Variants in MIGA1 observed in about 807,000 individuals in gnomAD.
The protein encoded by MIGA1 is family with sequence similarity 73, member A.
Under a neutral mutation model 82.0 loss-of-function variants are expected in MIGA1, and 58 were observed. The observed-to-expected ratio is 0.71, with a 90% CI of 0.57 to 0.88. The LOEUF is 0.88. Among genes scored for constraint, MIGA1 ranks in the 40% least tolerant of loss-of-function variants. The pLI is 0.00. For missense variants in MIGA1, 751 were observed against 749.1 expected (o/e 1.00, Z -0.03); for synonymous variants, 249 against 253.6 (o/e 0.98, Z 0.17).
intron 14 of MIGA1, among the ~76,000 whole-genome samples, chr1:77,871,416 T>C (rs1025577529): frequency 4.6e-5 from 7 of 151,456 alleles, no homozygotes; most frequent in Admixed American, 4.6e-4. Flanking sequence ...GCAGGAGAAT[T>C]GCTTGAACCC....
intron 12 of MIGA1, 168 bp downstream of exon 12, chr1:77,861,490 C>T: frequency 3.8e-6 from 2 of 521,940 alleles, no homozygotes; most frequent in South Asian, 2.8e-5. Flanking sequence ...TACGTTGGGG[C>T]AGTAGTTGTA....
chr1:77,801,266 T>G, intron 2 of MIGA1, 65 bp from the exon 3 acceptor site: 1 of 1,175,678 alleles, frequency 8.5e-7, no homozygotes, highest in Non-Finnish European at 1.2e-6. Context: ...GTTTAGTTAT[T>G]AGGTCCTTCT....
At chr1:77,782,735 C>T (rs1570910157) in intron 1 of MIGA1, 2 of 249,726 alleles carry the variant, frequency 8.0e-6, no homozygotes, top group African/African-American at 4.6e-5. Context: ...TAAAATGAGA[C>T]AATAGGAGAA....
At chr1:77,854,213 G>A (rs1685162106) in intron 8 of MIGA1, among the ~76,000 whole-genome samples, 2 of 152,282 alleles carry the variant, frequency 1.3e-5, no homozygotes, top group South Asian at 4.1e-4. Flanking sequence ...TGCAGATGCT[G>A]TTAATTCATC....
intron 2 of MIGA1, among the ~76,000 whole-genome samples, chr1:77,787,194 C>T (rs142110471): frequency 2.0e-4 from 30 of 152,194 alleles, no homozygotes; most frequent in African/African-American, 7.0e-4. Flanking sequence ...CAATTACCTG[C>T]CACTGGGTCC....
chr1:77,864,821 T>A (rs1454616750), intron 13 of MIGA1, among the ~76,000 whole-genome samples: 6 of 152,218 alleles, frequency 3.9e-5, no homozygotes, highest in African/African-American at 1.4e-4. Context: ...CTTTTCAGCT[T>A]CTGTTCTTTT....
In MIGA1 at chr1:77,788,611, T is replaced by A. The variant is rs191910076; in HGVS notation, c.195+5260T>A. Among the ~76,000 whole-genome samples the A allele has an allele frequency of 5.9e-5, 9 of 152,344 alleles. No homozygotes were observed. The East Asian group carries it at 1.5e-3, about 26-fold the overall frequency. ...CTTCTTAGGGTTTTAGGACTTATAT[T>A]TAGGTCTTTGATCCATTTTGAGTTA... is the stretch of plus-strand genomic sequence containing the variant. On this transcript the variant is annotated intron_variant, in intron 2 of 15. Transcript: ENST00000370791.
At chr1:77,839,414 A>C (rs1684546008) in intron 7 of MIGA1, among the ~76,000 whole-genome samples, 1 of 151,726 alleles carries the variant, frequency 6.6e-6, no homozygotes, top group African/African-American at 2.4e-5. Context: ...TCTGTCACCC[A>C]GGATGGAGTG....
rs115145255 is a variant in MIGA1 at position 77,827,595 on chromosome 1, A to T, written c.895+12364A>T. 4.1e-3 allele frequency among the ~76,000 whole-genome samples: 617 copies of T among 152,290 alleles called. 3 individuals are homozygous for T. Among genetic ancestry groups the T allele is most frequent in the African/African-American group, 0.014 (583 of 41,570 alleles). On this transcript the variant is annotated intron_variant, in intron 7 of 15. Transcript: ENST00000370791. ...TGCCTGCCTTACAATTTCTGCCAACACTTTGTCCAGCTCAGAAGGAGTGAG... is the reference window on the plus strand; with the variant it reads ...TGCCTGCCTTACAATTTCTGCCAACTCTTTGTCCAGCTCAGAAGGAGTGAG...
rs1646898836 is a variant in MIGA1, at chr1:77,877,002, G to A, written c.*1938G>A. The A allele has an allele frequency of 6.6e-6, 1 of 152,084 alleles. No individual in the cohort carries two copies. 9.4% of individuals were successfully genotyped at this position (152,084 alleles called of 1,614,324 possible). A position where few individuals can be genotyped will look rare whatever the true frequency, so the allele number is the denominator to read the frequency against. ...TGAGTTGCACAAAAGGACCTAAAAT[G>A]CATTGTTTTTTGCCTTCTTTTAAGA... On this transcript the variant is annotated 3_prime_UTR_variant, in exon 16 of 16. Transcript: ENST00000370791.
At chr1:77,840,477 A>T (rs756012126) in intron 7 of MIGA1, among the ~76,000 whole-genome samples, 6 of 152,178 alleles carry the variant, frequency 3.9e-5, no homozygotes, top group Non-Finnish European at 4.4e-5. Flanking sequence ...AGCAAAAGCC[A>T]TATGGAAACA....
intron 7 of MIGA1, among the ~76,000 whole-genome samples, chr1:77,834,479 G>A (rs1313265908): frequency 1.3e-5 from 2 of 152,126 alleles, no homozygotes; most frequent in Non-Finnish European, 2.9e-5. Flanking sequence ...CCTGCCCCAA[G>A]TTCTCTTTTC....
At chr1:77,836,305 A>C (rs186817869) in intron 7 of MIGA1, among the ~76,000 whole-genome samples, 38 of 152,336 alleles carry the variant, frequency 2.5e-4, no homozygotes, top group Admixed American at 2.2e-3. Context: ...TAAGTAACAG[A>C]GTCAGTATTG....
chr1:77,805,170 A>G (rs1023896322), intron 4 of MIGA1, among the ~76,000 whole-genome samples: 54 of 149,960 alleles, frequency 3.6e-4, no homozygotes, highest in African/African-American at 1.3e-3. Flanking sequence ...AATTTTTTGT[A>G]TTTTTTAGTA....
At chr1:77,870,209 G>A (rs1685895587) in intron 14 of MIGA1, among the ~76,000 whole-genome samples, 1 of 115,926 alleles carries the variant, frequency 8.6e-6, no homozygotes, top group Non-Finnish European at 1.9e-5. Flanking sequence ...CGGCTGGCCG[G>A]GCGGGGGGCT....
chr1:77,789,957 A>G (rs1437317768), intron 2 of MIGA1, among the ~76,000 whole-genome samples: 1 of 152,202 alleles, frequency 6.6e-6, no homozygotes, highest in African/African-American at 2.4e-5. Flanking sequence ...TTTGGTTTGA[A>G]TTATTCTGGA....
intron 1 of MIGA1, 91 bp downstream of exon 1, chr1:77,779,827 C>T: frequency 1.4e-6 from 2 of 1,446,704 alleles, no homozygotes; most frequent in Non-Finnish European, 1.8e-6. Context: ...GGCCTCGGGG[C>T]AGGGGTGGCG....
chr1:77,790,231 T>C lies in MIGA1; in HGVS notation c.195+6880T>C, dbSNP rs536952074. Among the ~76,000 whole-genome samples the C allele has an allele frequency of 2.0e-5, 3 of 152,318 alleles. No individual in the cohort carries two copies. In the South Asian group the frequency reaches 6.2e-4, roughly 32 times the overall value. On this transcript the variant is annotated intron_variant, in intron 2 of 15. Transcript: ENST00000370791. The stretch of plus-strand genomic sequence containing the variant: ...CAGCCTCTATCAAGATCCAGAACTC[T>C]TCTATCACCTTAAAGATTTACCTCT...
rs994841331 is a variant in MIGA1 at position 77,779,668 on chromosome 1, T to C, written c.13T>C (p.Cys5Arg). ...CTCCGCCTTCTCCATGTCAGACTGC[T>C]GCTCAGCGCCAGGCATCAGCTGGGA... Residue 5 changes from cysteine (C) to arginine (R), a missense_variant, in exon 1 of 16, where the codon TGC becomes CGC. Physicochemically the swap from Cys to Arg is radical, Grantham distance 180. Transcript: ENST00000370791. The C allele has an allele frequency of 1.9e-6, 3 of 1,583,908 alleles. No homozygotes were observed. Among genetic ancestry groups the C allele is most frequent in the Non-Finnish European group, 2.6e-6 (3 of 1,165,022 alleles).
Sources: gnomAD v4.1 joint callset for allele counts (sites outside exome capture counted in the v4.1 genomes callset) on GRCh38, gnomAD v4.1.1 for gene constraint, MANE v1.5 for transcripts, NCBI Gene and HGNC (gene_info 2026-07-23, HGNC 2026-07-21) for gene names.